Variants in DLG5 observed in about 807,000 individuals in gnomAD.
The protein encoded by DLG5 is disks large homolog 5.
DLG5 carries 48 observed loss-of-function variants against 189.8 expected under a neutral mutation model. That is an observed-to-expected ratio of 0.25 (90% CI 0.20 to 0.32). The LOEUF is 0.32. DLG5 is among the 10% of genes least tolerant of loss of function. The pLI is 1.00. For missense variants in DLG5, 2,160 were observed against 2,544.7 expected (o/e 0.85, Z 3.25); for synonymous variants, 1,016 against 1,054.1 (o/e 0.96, Z 0.70).
chr10:77,888,249 G>A (rs2154577574), intron 1 of DLG5, among the ~76,000 whole-genome samples: 1 of 152,284 alleles, frequency 6.6e-6, no homozygotes, highest in South Asian at 2.1e-4. Flanking sequence ...ATTACTAGGA[G>A]GCAAAGTGCG....
chr10:77,917,426 G>A (rs1282250384), intron 1 of DLG5, among the ~76,000 whole-genome samples: 1 of 151,826 alleles, frequency 6.6e-6, no homozygotes, highest in Non-Finnish European at 1.5e-5. Context: ...TGAGGTGGGA[G>A]GATCAATTGA....
In DLG5 at chr10:77,796,591, G is replaced by A. The variant is rs144467620; in HGVS notation, c.5168C>T (p.Ser1723Leu). 1.2e-5 allele frequency: 19 copies of A among 1,613,730 alleles called. No individual in the cohort carries two copies. Among genetic ancestry groups the A allele is most frequent in the South Asian group, 5.5e-5 (5 of 91,072 alleles). ...SSDSIPLFED[S>L]VSLAYQRVQK... ...GACCCGCTGATAGGCCAGGCTCACC[G>A]AATCTGAGGGAGAGAGAGCAGCAGC... Residue 1723 changes from serine to leucine, a missense_variant, in exon 28 of 32, where the codon TCG (serine) becomes TTG (leucine). Physicochemically the swap from Ser to Leu is moderately radical, Grantham distance 145. Around this residue, in one of 5 missense-constraint regions of DLG5, gnomAD observed 574 missense variants for 644.2 expected, o/e 0.89. Coordinates refer to ENST00000372391, the MANE Select transcript of DLG5 (RefSeq NM_004747.4). The surrounding 1 kb of genome is among the most constrained non-coding windows in gnomAD (Gnocchi z 5.2).
At chr10:77,859,805 G>A (rs1329052852) in intron 2 of DLG5, among the ~76,000 whole-genome samples, 1 of 152,206 alleles carries the variant, frequency 6.6e-6, no homozygotes, top group South Asian at 2.1e-4. Flanking sequence ...CCGCACCTTT[G>A]GGGTCAAAAT....
rs542511948 is a variant in DLG5, at chr10:77,890,785, G to C, written c.305-21588C>G. On this transcript the variant is annotated intron_variant, in intron 1 of 31. Transcript: ENST00000372391. ...AATATCAGCGAGTGCCACCTCCAGAGGGAGCTTCCCAGAGCCCAGCCCTGT... is the reference window on the plus strand; with the variant it reads ...AATATCAGCGAGTGCCACCTCCAGACGGAGCTTCCCAGAGCCCAGCCCTGT... Among the ~76,000 whole-genome samples the C allele has an allele frequency of 1.2e-4, 18 of 152,296 alleles. No individual in the cohort carries two copies. The South Asian group carries it at 3.7e-3, about 32-fold the overall frequency.
the DLG5 span, among the ~76,000 whole-genome samples, chr10:77,934,724 G>A: frequency 1.4e-4 from 21 of 152,192 alleles, no homozygotes; most frequent in African/African-American, 5.1e-4. Flanking sequence ...GAGCCCTGGA[G>A]AAGATCCCAG....
At chr10:77,868,640 G>A (rs1433689942) in intron 2 of DLG5, 2 of 224,108 alleles carry the variant, frequency 8.9e-6, no homozygotes, top group African/African-American at 4.7e-5. Context: ...GGGTCACAGA[G>A]GTGTGGGAAG....
At chr10:77,843,815 G>C (rs376335572) in intron 5 of DLG5, 109 bp from the exon 6 acceptor site, 39 of 1,444,040 alleles carry the variant, frequency 2.7e-5, no homozygotes, top group African/African-American at 4.2e-5. Context: ...AAGGCGGTTG[G>C]GGGGAGGGGG....
At chr10:77,859,761 A>G (rs1844399443) in intron 2 of DLG5, among the ~76,000 whole-genome samples, 1 of 152,252 alleles carries the variant, frequency 6.6e-6, no homozygotes, top group Non-Finnish European at 1.5e-5. Flanking sequence ...AAAAGCCACC[A>G]GCATCATGAC....
chr10:77,919,469 A>C (rs1257418180), intron 1 of DLG5, among the ~76,000 whole-genome samples: 1 of 150,574 alleles, frequency 6.6e-6, no homozygotes, highest in African/African-American at 2.4e-5. Context: ...TCAATGCTCA[A>C]CCTCTTCTGT....
At position 77,796,451 on chromosome 10, in the gene DLG5, C is replaced by A; in HGVS notation, c.5308G>T (p.Glu1770Ter). The change falls in exon 28 of 32, where the codon GAG becomes TAG. Residue 1770 changes from glutamate (E) to a stop codon, truncating the protein, a stop_gained and splice_region_variant. Coordinates refer to ENST00000372391, the MANE Select transcript of DLG5 (RefSeq NM_004747.4). LOFTEE classifies it high-confidence loss of function. This position sits in a 1 kb window ranked among gnomAD's most constrained non-coding sequence, Gnocchi z 5.2. The stretch of plus-strand genomic sequence containing the variant: ...ACAGAGGGTGCCCCGTGCCCCTTAC[C>A]AAGGGGACATCTGCAGAACTTGCCA... ...APGKFCRCPL[E>*]VMKASQQAIE... 6.2e-7 allele frequency: 1 copy of A among 1,614,174 alleles called. No homozygotes were observed. The highest frequency in any genetic ancestry group is 8.5e-7 in the Non-Finnish European group (1 of 1,180,022).
chr10:77,856,964 C>T (rs1051893627), intron 2 of DLG5, 72 bp from the exon 3 acceptor site: 4 of 1,471,488 alleles, frequency 2.7e-6, no homozygotes, highest in Non-Finnish European at 1.8e-6. Context: ...CTGTCCTGAG[C>T]TGTTGGCTTG....
chr10:77,871,202 C>T (rs1844882898), intron 1 of DLG5, among the ~76,000 whole-genome samples: 1 of 152,110 alleles, frequency 6.6e-6, no homozygotes, highest in Non-Finnish European at 1.5e-5. Flanking sequence ...AGCAGCCAAA[C>T]CAGGAGCAGC....
intron 2 of DLG5, among the ~76,000 whole-genome samples, chr10:77,865,876 C>T (rs542110646): frequency 6.6e-6 from 1 of 152,224 alleles, no homozygotes; most frequent in South Asian, 2.1e-4. Flanking sequence ...ATCCGAGACC[C>T]GACAGACCGC....
chr10:77,898,573 T>G (rs942058150), intron 1 of DLG5, among the ~76,000 whole-genome samples: 5 of 152,044 alleles, frequency 3.3e-5, no homozygotes, highest in African/African-American at 1.2e-4. Context: ...GCCAATAGAG[T>G]TATCTTTTAA....
At position 77,822,088 on chromosome 10, in the gene DLG5, C is replaced by G; in HGVS notation, c.2396G>C (p.Ser799Thr). The change falls in exon 15 of 32, where the codon AGC becomes ACC. Residue 799 changes from serine (S) to threonine (T), a missense_variant. Around this residue, in one of 5 missense-constraint regions of DLG5, gnomAD observed 754 missense variants for 746.5 expected, o/e 1.01. Coordinates refer to ENST00000372391, the MANE Select transcript of DLG5 (RefSeq NM_004747.4). ...TLSLLKVFPQ[S>T]SSWSGQNIFE... is the part of the protein sequence containing the mutation. ...AATGTTCTGGCCACTCCACGAGGAG[C>G]TCTGAGGGAATACCTAGGCAGGGAT... The G allele has an allele frequency of 6.2e-7, 1 of 1,612,480 alleles. No individual in the cohort carries two copies.
chr10:77,836,003 AAGGCTG>A, intron 7 of DLG5, 81 bp from the exon 8 acceptor site: 6 of 1,451,706 alleles, frequency 4.1e-6, no homozygotes, highest in Non-Finnish European at 5.6e-6. Flanking sequence ...TGCGGGGGCC[AAGGCTG>A]AGGCTCTAGG....
chr10:77,906,491 A>G (rs1159964520), intron 1 of DLG5, among the ~76,000 whole-genome samples: 2 of 152,042 alleles, frequency 1.3e-5, no homozygotes, highest in African/African-American at 4.8e-5. Context: ...ATCGTCAGGG[A>G]CTTCTGGAAC....
Position 77,853,470 on chromosome 10 carries a change from C to T in DLG5, c.748G>A (p.Glu250Lys). Residue 250 changes from glutamate (E) to lysine (K), a missense_variant, in exon 5 of 32, where the codon GAG becomes AAG. Glu to Lys is a moderately conservative substitution (Grantham distance 56, BLOSUM62 1). Coordinates refer to ENST00000372391, the MANE Select transcript of DLG5 (RefSeq NM_004747.4). The stretch of plus-strand genomic sequence containing the variant: ...CGCTCCCGCAGCAGCTGCCCATTCT[C>T]CCGCCTCAGCATGTCCACGTCATCC... Reference protein sequence around the residue: ...LKDDVDMLRRENGQLLRERNL... With the variant: ...LKDDVDMLRRKNGQLLRERNL... 1 of 1,611,932 alleles carries T rather than the reference C, an allele frequency of 6.2e-7. No individual in the cohort carries two copies.
intron 25 of DLG5, 118 bp downstream of exon 25, chr10:77,807,678 G>A: frequency 8.2e-7 from 1 of 1,225,818 alleles, no homozygotes; most frequent in Non-Finnish European, 1.1e-6. Flanking sequence ...AAGGAATGAT[G>A]ATCATGGCCC....
Sources: allele counts gnomAD v4.1 joint callset (sites outside exome capture counted in the v4.1 genomes callset), GRCh38; gene constraint gnomAD v4.1.1; regional missense constraint gnomAD v4.1.1; non-coding constraint Gnocchi (gnomAD v3.1); transcripts MANE v1.5; gene names NCBI Gene and HGNC (gene_info 2026-07-23, HGNC 2026-07-21).